GPC6: variants seen among roughly 807,000 people sequenced by gnomAD.
GPC6 encodes the protein glypican-6.
GPC6 carries 14 observed loss-of-function variants against 55.2 expected under a neutral mutation model. The ratio of observed to expected loss-of-function variants is 0.25; its 90% CI spans 0.17 to 0.40. The LOEUF (loss-of-function observed/expected upper bound fraction) is 0.40. Among genes scored for constraint, GPC6 ranks in the 10% least tolerant of loss-of-function variants. The probability of loss-of-function intolerance (pLI) is 1.00; values close to 1 mark genes in which losing one functional copy is unlikely to be tolerated. For missense variants in GPC6, 641 were observed against 708.5 expected, an observed-to-expected ratio of 0.90 and a Z score of 1.08; for synonymous variants, 278 against 259.6, an observed-to-expected ratio of 1.07 and a Z score of -0.68.
chr13:94,307,298 A>G (rs887590325), intron 6 of GPC6, among the ~76,000 whole-genome samples: 3 of 151,962 alleles, frequency 2.0e-5, no homozygotes, highest in Admixed American at 1.3e-4. Flanking sequence ...GCAACCTTCT[A>G]CTTTACCTGG....
intron 2 of GPC6, among the ~76,000 whole-genome samples, chr13:93,753,715 C>A (rs1399837653): frequency 6.6e-6 from 1 of 152,078 alleles, no homozygotes; most frequent in Admixed American, 6.6e-5. Flanking sequence ...AACCTTCCCC[C>A]AACCCCTCCA....
intron 1 of GPC6, among the ~76,000 whole-genome samples, chr13:93,430,428 T>C (rs1877312835): frequency 6.6e-6 from 1 of 152,082 alleles, no homozygotes; most frequent in Non-Finnish European, 1.5e-5. Context: ...TTGACATTTG[T>C]GGAGTTAACT....
the GPC6 span, among the ~76,000 whole-genome samples, chr13:93,218,595 T>C: frequency 1.3e-5 from 2 of 152,230 alleles, no homozygotes; most frequent in East Asian, 1.9e-4. Flanking sequence ...GATGGAAGTA[T>C]GTTTGTGATC....
intron 3 of GPC6, among the ~76,000 whole-genome samples, chr13:93,971,213 A>G (rs913688017): frequency 3.3e-5 from 5 of 152,204 alleles, no homozygotes; most frequent in Non-Finnish European, 5.9e-5. Flanking sequence ...TGACTCAGAC[A>G]TGGCTGAACA....
intron 1 of GPC6, among the ~76,000 whole-genome samples, chr13:93,321,520 T>TTTTTA (rs1879434963): frequency 6.6e-6 from 1 of 152,214 alleles, no homozygotes; most frequent in Admixed American, 6.5e-5. Flanking sequence ...TCAAATATAC[T>TTTTTA]ATTTTTAGAA....
chr13:94,339,246 TAG>T (rs967046764), intron 6 of GPC6, among the ~76,000 whole-genome samples: 4 of 152,052 alleles, frequency 2.6e-5, no homozygotes, highest in Non-Finnish European at 4.4e-5. Context: ...TATATTTTTA[TAG>T]AGACAAGAGT....
At chr13:93,715,488 G>T (rs1472697379) in intron 2 of GPC6, among the ~76,000 whole-genome samples, 2 of 151,444 alleles carry the variant, frequency 1.3e-5, no homozygotes, top group Non-Finnish European at 3.0e-5. Context: ...AGGGAGGGAA[G>T]CAACGGTGGA....
intron 1 of GPC6, among the ~76,000 whole-genome samples, chr13:93,228,979 A>C (rs569862115): frequency 1.3e-5 from 2 of 152,220 alleles, no homozygotes; most frequent in Non-Finnish European, 2.9e-5. Context: ...AAGAGGCGCA[A>C]ATTACCACGC....
intron 1 of GPC6, among the ~76,000 whole-genome samples, chr13:93,273,613 G>C (rs1471076578): frequency 4.6e-5 from 7 of 151,952 alleles, no homozygotes; most frequent in African/African-American, 7.2e-5. Context: ...AACCGAGATT[G>C]CGCCACTGCA....
intron 4 of GPC6, among the ~76,000 whole-genome samples, chr13:94,280,266 T>C (rs1342278682): frequency 2.0e-5 from 3 of 152,056 alleles, no homozygotes; most frequent in Non-Finnish European, 2.9e-5. Context: ...CCAGAGATAA[T>C]TTTTAAAATC....
Position 93,269,824 on chromosome 13 carries a change from A to C in GPC6, c.160+42208A>C, listed in dbSNP as rs533093756. Among the ~76,000 whole-genome samples, 43 of 146,722 alleles carry C rather than the reference A, an allele frequency of 2.9e-4. 1 individual carries two copies. The highest frequency in any genetic ancestry group is 4.9e-4 in the Non-Finnish European group (33 of 66,946). The stretch of plus-strand genomic sequence containing the variant: ...GTGTGGAGGCGTGAACCTGGGAGGC[A>C]GAGCTTGCAATGAGCCTAGATTGCG... On this transcript the variant is annotated intron_variant, in intron 1 of 8. Transcript: ENST00000377047.
intron 2 of GPC6, among the ~76,000 whole-genome samples, chr13:93,749,386 G>T (rs1884502627): frequency 1.3e-5 from 2 of 151,672 alleles, no homozygotes; most frequent in Non-Finnish European, 2.9e-5. Context: ...CTACCGTTTT[G>T]CAGTACAGAA....
Position 93,995,226 on chromosome 13 carries a change from C to T in GPC6, c.712-32503C>T, listed in dbSNP as rs192351113. Among the ~76,000 whole-genome samples the T allele has an allele frequency of 4.8e-3, 716 of 150,496 alleles. 7 individuals are homozygous for T. Among genetic ancestry groups the T allele is most frequent in the African/African-American group, 0.015 (615 of 40,374 alleles). On this transcript the variant is annotated intron_variant, in intron 3 of 8. Coordinates refer to ENST00000377047, the MANE Select transcript of GPC6 (RefSeq NM_005708.5). ...TTTTTGAGACTGAGTCTCGCTGTGT[C>T]GCCCAGGCTGGAGTGCAGTGGCACA...
intron 3 of GPC6, among the ~76,000 whole-genome samples, chr13:93,946,150 G>A (rs893992009): frequency 5.3e-5 from 8 of 152,198 alleles, no homozygotes; most frequent in Non-Finnish European, 7.3e-5. Context: ...TGTCATTAAT[G>A]AACATGAAGT....
intron 2 of GPC6, among the ~76,000 whole-genome samples, chr13:93,660,435 A>C (rs1880875400): frequency 6.6e-6 from 1 of 152,152 alleles, no homozygotes; most frequent in East Asian, 1.9e-4. Context: ...TAAAGTGTTA[A>C]ATTCTTTATT....
intron 4 of GPC6, among the ~76,000 whole-genome samples, chr13:94,228,689 C>G (rs1167000697): frequency 6.6e-6 from 1 of 151,794 alleles, no homozygotes; most frequent in Non-Finnish European, 1.5e-5. Context: ...TACACATAGG[C>G]CTAAAGAATA....
intron 1 of GPC6, among the ~76,000 whole-genome samples, chr13:93,339,488 T>C (rs1880163047): frequency 1.3e-5 from 2 of 152,150 alleles, no homozygotes; most frequent in South Asian, 2.1e-4. Context: ...TTATTTCTTG[T>C]TGAGTCCTCA....
chr13:93,257,852 A>G (rs1251928838), intron 1 of GPC6, among the ~76,000 whole-genome samples: 1 of 152,238 alleles, frequency 6.6e-6, no homozygotes. Context: ...AAATTTCTCA[A>G]ATCATTGAGC....
intron 4 of GPC6, among the ~76,000 whole-genome samples, chr13:94,216,987 T>C (rs1235053356): frequency 5.3e-5 from 8 of 152,200 alleles, no homozygotes. Context: ...AGCCTCAGTT[T>C]TCTCATCGAC....
Sources: gnomAD v4.1 joint callset for allele counts (sites outside exome capture counted in the v4.1 genomes callset) on GRCh38, gnomAD v4.1.1 for gene constraint, MANE v1.5 for transcripts, NCBI Gene and HGNC (gene_info 2026-07-23, HGNC 2026-07-21) for gene names.